Variants in PHTF1 observed in about 807,000 individuals in gnomAD.
The protein encoded by PHTF1 is putative homeodomain transcription factor 1.
A neutral mutation model predicts 102.4 loss-of-function variants in PHTF1; 88 were observed. The observed-to-expected ratio is 0.86, with a 90% CI of 0.72 to 1.03. The LOEUF is 1.03. Among genes scored for constraint, PHTF1 ranks in the 50% least tolerant of loss-of-function variants. The pLI, the probability that PHTF1 is intolerant of heterozygous loss-of-function variation, is 0.00. For missense variants in PHTF1, 814 were observed against 909.5 expected (o/e 0.89, Z 1.35); for synonymous variants, 289 against 305.2 (o/e 0.95, Z 0.55).
intron 3 of PHTF1, among the ~76,000 whole-genome samples, chr1:113,744,822 G>A (rs960691718): frequency 6.6e-6 from 1 of 152,128 alleles, no homozygotes; most frequent in Non-Finnish European, 1.5e-5. Flanking sequence ...GCTGCTATGA[G>A]CCTGTAGTCC....
At chr1:113,742,197 A>G (rs1050883806) in intron 3 of PHTF1, among the ~76,000 whole-genome samples, 1 of 152,172 alleles carries the variant, frequency 6.6e-6, no homozygotes, top group Non-Finnish European at 1.5e-5. Flanking sequence ...CTTACTACAC[A>G]CCTAGGCTAT....
chr1:113,700,624 A>C (rs562379796), intron 16 of PHTF1, among the ~76,000 whole-genome samples, 170 bp downstream of exon 16: 1 of 152,346 alleles, frequency 6.6e-6, no homozygotes, highest in Non-Finnish European at 1.5e-5. Flanking sequence ...GAGATATTAC[A>C]TCCATTTTAT....
intron 7 of PHTF1, among the ~76,000 whole-genome samples, chr1:113,720,320 GAGAC>G (rs1198899390): frequency 4.6e-5 from 7 of 152,078 alleles, no homozygotes; most frequent in Non-Finnish European, 1.0e-4. Flanking sequence ...GTTAAAGAGA[GAGAC>G]AGACTCCAAT....
chr1:113,711,984 C>T lies in PHTF1; in HGVS notation c.913G>A (p.Val305Ile). ...GAAAGTATTGATTTTCTATTCTTAA[C>T]TTCACAACCATTGTCACTTGAGGCC... Reference protein sequence around the residue: ...EGASSDNGCEVKNRKSILSRH... With the variant: ...EGASSDNGCEIKNRKSILSRH... Residue 305 changes from valine (V) to isoleucine (I), a missense_variant, in exon 9 of 19, where the codon GTT becomes ATT. Transcript: ENST00000369604. 1 of 1,614,066 alleles carries T rather than the reference C, an allele frequency of 6.2e-7. No homozygotes were observed. Among genetic ancestry groups the T allele is most frequent in the Non-Finnish European group, 8.5e-7 (1 of 1,179,964 alleles).
chr1:113,732,554 A>T (rs1350682710), intron 5 of PHTF1, among the ~76,000 whole-genome samples: 1 of 152,212 alleles, frequency 6.6e-6, no homozygotes, highest in African/African-American at 2.4e-5. Flanking sequence ...GCTGTGTAGT[A>T]ATGAAAGCAG....
chr1:113,758,451 T>C (rs1000632870), intron 2 of PHTF1, among the ~76,000 whole-genome samples: 4 of 151,510 alleles, frequency 2.6e-5, no homozygotes, highest in Middle Eastern at 3.4e-3. Flanking sequence ...CTGAAGGAGG[T>C]GGCTTGTAAA....
intron 3 of PHTF1, among the ~76,000 whole-genome samples, chr1:113,751,413 A>G (rs1658054169): frequency 1.3e-5 from 2 of 152,180 alleles, no homozygotes; most frequent in South Asian, 4.1e-4. Flanking sequence ...CTCAATCCAT[A>G]GGCAACTTTT....
At position 113,757,726 on chromosome 1, in the gene PHTF1, T is replaced by C; in HGVS notation, c.75A>G (p.Glu25=). 1.2e-6 allele frequency: 2 copies of C among 1,609,152 alleles called. No homozygotes were observed. Among genetic ancestry groups the C allele is most frequent in the Non-Finnish European group, 1.7e-6 (2 of 1,175,448 alleles). Residue 25 remains glutamate (E), a synonymous_variant, in exon 3 of 19, where the codon GAA becomes GAG. Transcript: ENST00000369604. ...KIGAYDQQIW[E]KSIEQTQIKG... ...TAATCTGAGTCTGTTCGATTGACTTTTCCCATATCTGCTGATCGTAGGCTC... is the reference window on the plus strand; with the variant it reads ...TAATCTGAGTCTGTTCGATTGACTTCTCCCATATCTGCTGATCGTAGGCTC...
At chr1:113,722,060 G>A (rs758412395) in intron 7 of PHTF1, among the ~76,000 whole-genome samples, 3 of 152,112 alleles carry the variant, frequency 2.0e-5, no homozygotes, top group Admixed American at 1.3e-4. Flanking sequence ...AAAGTTACAC[G>A]ATTTCTAATA....
chr1:113,713,439 C>T lies in PHTF1; in HGVS notation c.624-1G>A. The T allele has an allele frequency of 6.7e-7, 1 of 1,497,678 alleles. No homozygotes were observed. The highest frequency in any genetic ancestry group is 9.1e-7 in the Non-Finnish European group (1 of 1,096,242). The allele number at this position is 1,497,678 out of a possible 1,614,324, so 92.8% of individuals were successfully genotyped here. A position where few individuals can be genotyped will look rare whatever the true frequency, so the allele number is the denominator to read the frequency against. ...AGATATTAATTTTACTCTTTTAATC[C>T]TATTTTTTAAAAAAGGAAAAGAAGA... On this transcript the variant is annotated splice_acceptor_variant, in intron 7 of 18. Transcript: ENST00000369604. LOFTEE classifies it high-confidence loss of function.
At chr1:113,748,027 G>C (rs1373185578) in intron 3 of PHTF1, among the ~76,000 whole-genome samples, 4 of 152,160 alleles carry the variant, frequency 2.6e-5, no homozygotes, top group African/African-American at 4.8e-5. Context: ...GCCCAGGCTA[G>C]AGTGCAGTGT....
At chr1:113,724,556 A>C (rs1466114613) in intron 7 of PHTF1, among the ~76,000 whole-genome samples, 1 of 151,884 alleles carries the variant, frequency 6.6e-6, no homozygotes, top group African/African-American at 2.4e-5. Flanking sequence ...AAAAAAAAAA[A>C]AACAGAATAC....
At chr1:113,753,047 T>C (rs551245818) in intron 3 of PHTF1, among the ~76,000 whole-genome samples, 6 of 152,354 alleles carry the variant, frequency 3.9e-5, no homozygotes, top group Non-Finnish European at 7.3e-5. Context: ...GATCATATGA[T>C]TGTCCTTTAT....
chr1:113,724,934 CCTTT>C (rs1653601113), intron 6 of PHTF1, 41 bp from the exon 7 acceptor site: 3 of 1,468,190 alleles, frequency 2.0e-6, no homozygotes, highest in African/African-American at 1.4e-5. Context: ...TATTCAAGAC[CCTTT>C]CTATTTCTGC....
At chr1:113,703,223 TAATGGAA>T (rs1649642850) in intron 15 of PHTF1, among the ~76,000 whole-genome samples, 1 of 152,260 alleles carries the variant, frequency 6.6e-6, no homozygotes, top group Admixed American at 6.5e-5. Context: ...GTCAATGTGC[TAATGGAA>T]AATTTAATAA....
At chr1:113,716,341 CCTTT>C (rs1652029057) in intron 7 of PHTF1, among the ~76,000 whole-genome samples, 2 of 148,888 alleles carry the variant, frequency 1.3e-5, no homozygotes, top group African/African-American at 4.9e-5. Flanking sequence ...CTTATTTTTC[CCTTT>C]TTTTTTTTTT....
At chr1:113,724,958 C>A in intron 6 of PHTF1, 65 bp from the exon 7 acceptor site, 1 of 1,175,370 alleles carries the variant, frequency 8.5e-7, no homozygotes, top group South Asian at 1.5e-5. Context: ...CCAAAAATAT[C>A]CCTACAGAAA....
Position 113,738,161 on chromosome 1 carries a change from C to A in PHTF1, c.280G>T (p.Val94Phe), listed in dbSNP as rs766615675. Residue 94 changes from valine to phenylalanine, a missense_variant, in exon 5 of 19, where the codon GTT (valine) becomes TTT (phenylalanine). Val to Phe is a conservative substitution (Grantham distance 50). Coordinates refer to ENST00000369604, the MANE Select transcript of PHTF1 (RefSeq NM_001323043.2). Reference protein sequence around the residue: ...FPLFSNWWIQVTSLRIFVWLL... With the variant: ...FPLFSNWWIQFTSLRIFVWLL... Reference sequence around the variant, plus strand: ...CAAACAAAGATTCTTAAAGAGGTAACCTGAATCCACCAATTGCTGAACAAT... The same window carrying A: ...CAAACAAAGATTCTTAAAGAGGTAAACTGAATCCACCAATTGCTGAACAAT... The A allele has an allele frequency of 3.7e-6, 6 of 1,612,820 alleles. No individual in the cohort carries two copies. Among genetic ancestry groups the A allele is most frequent in the Non-Finnish European group, 4.2e-6 (5 of 1,178,836 alleles).
chr1:113,741,889 A>T (rs1403701394), intron 3 of PHTF1, among the ~76,000 whole-genome samples: 1 of 152,196 alleles, frequency 6.6e-6, no homozygotes, highest in Non-Finnish European at 1.5e-5. Flanking sequence ...GAAATCATTA[A>T]TAAACTTATG....
Sources: gnomAD v4.1 joint callset for allele counts (sites outside exome capture counted in the v4.1 genomes callset) on GRCh38, gnomAD v4.1.1 for gene constraint, MANE v1.5 for transcripts, NCBI Gene and HGNC (gene_info 2026-07-23, HGNC 2026-07-21) for gene names.